Variants in BRAT1 observed in about 807,000 individuals in gnomAD.
BRAT1 encodes BRCA1 associated ATM activator 1.
A neutral mutation model predicts 70.6 loss-of-function variants in BRAT1; 74 were observed. That is an observed-to-expected ratio of 1.05 (90% CI 0.87 to 1.27). BRAT1 has a LOEUF of 1.27. Among genes scored for constraint, BRAT1 ranks in the 50% most tolerant of loss-of-function variants. The pLI is 0.00. For synonymous variants in BRAT1, 615 were observed against 517.1 expected (o/e 1.19, Z -2.57); for missense variants, 1,203 against 1,098.2 (o/e 1.10, Z -1.35).
rs1307859883 is a variant in BRAT1, at chr7:2,537,891, A to G, written c.*178T>C. The G allele has an allele frequency of 6.8e-6, 7 of 1,032,162 alleles. No homozygotes were observed. Among genetic ancestry groups the G allele is most frequent in the African/African-American group, 4.9e-5 (3 of 61,362 alleles). The allele number at this position is 1,032,162 out of a possible 1,614,324, so 63.9% of individuals were successfully genotyped here. A position where few individuals can be genotyped will look rare whatever the true frequency, so the allele number is the denominator to read the frequency against. Reference sequence around the variant, plus strand: ...AATGCCATTTATTTTGAGTAGAAATAAGTCATTTCTTTAATACATCAAACT... The same window carrying G: ...AATGCCATTTATTTTGAGTAGAAATGAGTCATTTCTTTAATACATCAAACT... On this transcript the variant is annotated 3_prime_UTR_variant, in exon 14 of 14. Coordinates refer to ENST00000340611, the MANE Select transcript of BRAT1 (RefSeq NM_152743.4).
chr7:2,554,563 TCAGACCAGGAGAACCATGATCCC>T (rs1780271225), intron 1 of BRAT1, 116 bp from the exon 2 acceptor site: 2 of 1,248,486 alleles, frequency 1.6e-6, no homozygotes, highest in South Asian at 1.6e-5. Flanking sequence ...AACTTTCATC[TCAGACCAGGAGAACCATGATCCC>T]CAGACCAGAG....
Position 2,541,434 on chromosome 7 carries a change from C to T in BRAT1, c.1185G>A (p.Val395=). 6.3e-7 allele frequency: 1 copy of T among 1,580,076 alleles called. No homozygotes were observed. ...WPQASLLGAT[V]TVLRLCDGSA... is the part of the protein sequence containing the mutation. ...AGCCGTCACAGAGCCGCAGGACAGT[C>T]ACTGTAGCCCCCAGTAGAGACGCCT... Residue 395 remains valine, a synonymous_variant, in exon 9 of 14, where the codon GTG becomes GTA. Coordinates refer to ENST00000340611, the MANE Select transcript of BRAT1 (RefSeq NM_152743.4).
chr7:2,538,087 G>T lies in BRAT1; in HGVS notation c.2448C>A (p.Asp816Glu). The change falls in exon 14 of 14, where the codon GAC becomes GAA. Residue 816 changes from aspartate to glutamate, a missense_variant. Physicochemically the swap from Asp to Glu is conservative, Grantham distance 45. Coordinates refer to ENST00000340611, the MANE Select transcript of BRAT1 (RefSeq NM_152743.4). Reference protein sequence around the residue: ...MLATGGFLQGDEADCY With the variant: ...MLATGGFLQGEEADCY ...GTTCTGCTCAGTAGCAGTCGGCCTC[G>T]TCCCCCTGCAGGAAGCCTCCCGTGG... 6.3e-7 allele frequency: 1 copy of T among 1,575,132 alleles called. No homozygotes were observed. The highest frequency in any genetic ancestry group is 8.7e-7 in the Non-Finnish European group (1 of 1,154,794).
At chr7:2,540,676 C>T (rs1009964398) in intron 10 of BRAT1, 12 of 341,358 alleles carry the variant, frequency 3.5e-5, no homozygotes, top group Admixed American at 9.9e-5. Flanking sequence ...CCAAAGCCCA[C>T]GCCCAGGGCC....
intron 2 of BRAT1, among the ~76,000 whole-genome samples, chr7:2,552,535 G>A (rs1388083841): frequency 9.9e-5 from 15 of 151,242 alleles, no homozygotes; most frequent in Admixed American, 9.9e-4. Flanking sequence ...AAAACAGCTT[G>A]GGCAATACGG....
chr7:2,545,800 T>C (rs1362486778), intron 3 of BRAT1, among the ~76,000 whole-genome samples: 1 of 152,138 alleles, frequency 6.6e-6, no homozygotes, highest in East Asian at 1.9e-4. Flanking sequence ...TGGAGGGTAC[T>C]TTCATACCAG....
At position 2,539,591 on chromosome 7, in the gene BRAT1, C is replaced by G. The variant is rs759858132; in HGVS notation, c.1550G>C (p.Arg517Thr). 6.3e-7 allele frequency: 1 copy of G among 1,589,792 alleles called. No homozygotes were observed. The highest frequency in any genetic ancestry group is 8.6e-7 in the Non-Finnish European group (1 of 1,167,584). ...KRLCHPCWEV[R>T]DSALEFLTQL... ...GGTCAGGAACTCGAGGGCGGAGTCCCTCACCTCCCAGCAGGGGTGGCACAG... is the reference window on the plus strand; with the variant it reads ...GGTCAGGAACTCGAGGGCGGAGTCCGTCACCTCCCAGCAGGGGTGGCACAG... Residue 517 changes from arginine to threonine, a missense_variant, in exon 12 of 14, where the codon AGG (arginine) becomes ACG (threonine). Physicochemically the swap from Arg to Thr is moderately conservative, Grantham distance 71. Transcript: ENST00000340611.
In BRAT1 at chr7:2,552,407, C is replaced by T. The variant is rs548743184; in HGVS notation, c.127+1898G>A. Among the ~76,000 whole-genome samples, 11 of 149,672 alleles carry T rather than the reference C, an allele frequency of 7.3e-5. No homozygotes were observed. The South Asian group carries it at 1.3e-3, about 17-fold the overall frequency. On this transcript the variant is annotated intron_variant, in intron 2 of 13. Transcript: ENST00000340611. Reference sequence around the variant, plus strand: ...TGCTGGGATTATAGGCATGAACCACCGTGCCTGGCCTTAAATATATATATT... The same window carrying T: ...TGCTGGGATTATAGGCATGAACCACTGTGCCTGGCCTTAAATATATATATT...
chr7:2,542,890 C>T (rs1779291003), intron 6 of BRAT1: 2 of 197,780 alleles, frequency 1.0e-5, no homozygotes, highest in Non-Finnish European at 1.0e-5. Context: ...ACCAAAGCTG[C>T]GGTGGGGGAC....
Position 2,537,894 on chromosome 7 carries a change from T to A in BRAT1, c.*175A>T. Reference sequence around the variant, plus strand: ...GCCATTTATTTTGAGTAGAAATAAGTCATTTCTTTAATACATCAAACTGTG... The same window carrying A: ...GCCATTTATTTTGAGTAGAAATAAGACATTTCTTTAATACATCAAACTGTG... On this transcript the variant is annotated 3_prime_UTR_variant, in exon 14 of 14. Coordinates refer to ENST00000340611, the MANE Select transcript of BRAT1 (RefSeq NM_152743.4). The A allele has an allele frequency of 1.8e-6, 2 of 1,082,010 alleles. No homozygotes were observed. Among genetic ancestry groups the A allele is most frequent in the Non-Finnish European group, 1.2e-6 (1 of 817,686 alleles). 67.0% of individuals were successfully genotyped at this position (1,082,010 alleles called of 1,614,324 possible). A position where few individuals can be genotyped will look rare whatever the true frequency, so the allele number is the denominator to read the frequency against.
At position 2,539,775 on chromosome 7, in the gene BRAT1, GGCTGC is replaced by G; in HGVS notation, c.1498+6_1498+10del. ...TCCAGCTCCGTTCACCCCTGCAAGG[GGCTGC>G]GTTACCTCTGAGGAACTGCGGGATG... On this transcript the variant is annotated splice_donor_region_variant and intron_variant, in intron 11 of 13. Transcript: ENST00000340611. 6.2e-7 allele frequency: 1 copy of G among 1,607,126 alleles called. No individual in the cohort carries two copies. The highest frequency in any genetic ancestry group is 1.1e-5 in the South Asian group (1 of 89,672).
intron 2 of BRAT1, among the ~76,000 whole-genome samples, chr7:2,549,559 G>A (rs549959857): frequency 6.6e-6 from 1 of 152,152 alleles, no homozygotes; most frequent in Admixed American, 6.5e-5. Context: ...TCTGATGGAG[G>A]GCAGAAAAGG....
Position 2,537,826 on chromosome 7 carries a change from T to TATTA in BRAT1, c.*239_*242dup. 1 of 540,468 alleles carries TATTA rather than the reference T, an allele frequency of 1.9e-6. No individual in the cohort carries two copies. 33.5% of individuals were successfully genotyped at this position (540,468 alleles called of 1,614,324 possible). ...ACACTGGACCCTTGTCTCAGATCAT[T>TATTA]ATTATTAAATTAACTCAAAAAGGGT... On this transcript the variant is annotated 3_prime_UTR_variant, in exon 14 of 14. Coordinates refer to ENST00000340611, the MANE Select transcript of BRAT1 (RefSeq NM_152743.4).
At chr7:2,555,018 A>G (rs1279666128) in intron 1 of BRAT1, among the ~76,000 whole-genome samples, 3 of 97,038 alleles carry the variant, frequency 3.1e-5, no homozygotes, top group Non-Finnish European at 6.1e-5. Context: ...AGCCAGTAGG[A>G]GGGTGAGGAG....
chr7:2,550,474 A>C, intron 2 of BRAT1, among the ~76,000 whole-genome samples: 1 of 142,466 alleles, frequency 7.0e-6, no homozygotes, highest in East Asian at 2.0e-4. Flanking sequence ...TCTCAAAAAA[A>C]AAAAAACAAA....
chr7:2,541,990 G>T, intron 7 of BRAT1, 130 bp downstream of exon 7: 1 of 1,194,726 alleles, frequency 8.4e-7, no homozygotes, highest in Non-Finnish European at 1.2e-6. Context: ...GGTCCCCTTT[G>T]CTCTTGGAGG....
At position 2,537,812 on chromosome 7, in the gene BRAT1, T is replaced by A. The variant is rs915107400; in HGVS notation, c.*257A>T. On this transcript the variant is annotated 3_prime_UTR_variant, in exon 14 of 14. Coordinates refer to ENST00000340611, the MANE Select transcript of BRAT1 (RefSeq NM_152743.4). ...CATGCGAATGAATGACACTGGACCC[T>A]TGTCTCAGATCATTATTATTAAATT... 19 of 492,358 alleles carry A rather than the reference T, an allele frequency of 3.9e-5. No homozygotes were observed. The highest frequency in any genetic ancestry group is 6.0e-5 in the Non-Finnish European group (18 of 300,556). 30.5% of individuals were successfully genotyped at this position (492,358 alleles called of 1,614,324 possible).
chr7:2,550,917 A>G (rs1779958411), intron 2 of BRAT1, among the ~76,000 whole-genome samples: 1 of 152,136 alleles, frequency 6.6e-6, no homozygotes, highest in African/African-American at 2.4e-5. Context: ...CCATGGTGCC[A>G]CATCTCACAC....
Position 2,538,613 on chromosome 7 carries a change from G to A in BRAT1, c.1922C>T (p.Ala641Val), listed in dbSNP as rs113030000. The A allele has an allele frequency of 3.8e-4, 602 of 1,595,332 alleles. 2 individuals carry two copies. In the African/African-American group the frequency reaches 6.9e-3, roughly 18 times the overall value. The change falls in exon 14 of 14, where the codon GCG becomes GTG. Residue 641 changes from alanine to valine, a missense_variant. Coordinates refer to ENST00000340611, the MANE Select transcript of BRAT1 (RefSeq NM_152743.4). ...CTCCCAGTCCAGGTCTCGGCTCGCC[G>A]CCTGCAGCACAGTGGCCACGAACTG... ...TEQFVATVLQ[A>V]ASRDLDWEVR...
Sources: allele counts gnomAD v4.1 joint callset (sites outside exome capture counted in the v4.1 genomes callset), GRCh38; gene constraint gnomAD v4.1.1; transcripts MANE v1.5; gene names NCBI Gene and HGNC (gene_info 2026-07-23, HGNC 2026-07-21).